Variants in TNRC6A observed in about 807,000 individuals in gnomAD.
TNRC6A encodes the protein trinucleotide repeat-containing gene 6A protein.
TNRC6A carries 44 observed loss-of-function variants against 221.2 expected under a neutral mutation model. That is an observed-to-expected ratio of 0.20 (90% CI 0.16 to 0.26). The LOEUF (loss-of-function observed/expected upper bound fraction) is 0.26. TNRC6A is among the 10% of genes least tolerant of loss of function. TNRC6A has a pLI of 1.00. For synonymous variants in TNRC6A, 847 were observed against 838.5 expected (o/e 1.01, Z -0.18); for missense variants, 2,199 against 2,404.4 (o/e 0.91, Z 1.79).
At chr16:24,703,750 A>G (rs1366757943) in intron 2 of TNRC6A, among the ~76,000 whole-genome samples, 1 of 152,156 alleles carries the variant, frequency 6.6e-6, no homozygotes, top group Non-Finnish European at 1.5e-5. Context: ...GTATACACCT[A>G]GAATTAGAGT....
upstream of TNRC6A, among the ~76,000 whole-genome samples, chr16:24,727,008 CCTT>C (rs901855570): frequency 6.6e-6 from 1 of 151,904 alleles, no homozygotes; most frequent in Non-Finnish European, 1.5e-5. Flanking sequence ...TGTCAACAAA[CCTT>C]CTGGAAATCA....
In TNRC6A at chr16:24,670,913, C is replaced by T. The variant is rs1168352672; in HGVS notation, n.402+29904C>T. The stretch of plus-strand genomic sequence containing the variant: ...TCACCTCCCCCACTCCCGCCAGCCC[C>T]CACACTTCCTTACATGATGCTGACA... On this transcript the variant is annotated intron_variant and non_coding_transcript_variant, in intron 2 of 2. Coordinates refer to the TNRC6A transcript ENST00000566108. 9.7e-6 allele frequency: 3 copies of T among 310,818 alleles called. No individual in the cohort carries two copies. In the Admixed American group the frequency reaches 9.8e-5, roughly 10 times the overall value. The allele number at this position is 310,818 out of a possible 1,614,324, so 19.3% of individuals were successfully genotyped here. A position where few individuals can be genotyped will look rare whatever the true frequency, so the allele number is the denominator to read the frequency against.
At chr16:24,772,466 C>T (rs2151669945) in intron 4 of TNRC6A, among the ~76,000 whole-genome samples, 2 of 151,966 alleles carry the variant, frequency 1.3e-5, no homozygotes, top group South Asian at 4.2e-4. Flanking sequence ...TGCACTCCAG[C>T]CTGGGAAACA....
At chr16:24,816,677 C>T in intron 19 of TNRC6A, 139 bp from the exon 20 acceptor site, 1 of 1,015,410 alleles carries the variant, frequency 9.8e-7, no homozygotes. Flanking sequence ...ATTAACTGAA[C>T]CATCCTCTTA....
chr16:24,632,272 C>CA (rs1293735484), intron 1 of TNRC6A, among the ~76,000 whole-genome samples: 2 of 152,338 alleles, frequency 1.3e-5, no homozygotes, highest in Non-Finnish European at 2.9e-5. Flanking sequence ...ACAGACATCT[C>CA]AAAATTTACA....
intron 2 of TNRC6A, among the ~76,000 whole-genome samples, chr16:24,705,864 G>T: frequency 6.6e-6 from 1 of 152,068 alleles, no homozygotes. Flanking sequence ...GGTATATAAA[G>T]ATAAAAAATA....
chr16:24,710,798 G>A (rs2056190577), intron 2 of TNRC6A, among the ~76,000 whole-genome samples: 1 of 147,028 alleles, frequency 6.8e-6, no homozygotes, highest in Non-Finnish European at 1.5e-5. Flanking sequence ...TGCAACCTCC[G>A]CCTCCCGAGT....
At chr16:24,722,174 G>A (rs554911606) in intron 2 of TNRC6A, among the ~76,000 whole-genome samples, 1 of 152,276 alleles carries the variant, frequency 6.6e-6, no homozygotes, top group African/African-American at 2.4e-5. Context: ...GCTTTGGGAG[G>A]CCAAGGTGGG....
chr16:24,760,905 G>A (rs1223275315), intron 4 of TNRC6A, among the ~76,000 whole-genome samples: 2 of 152,056 alleles, frequency 1.3e-5, no homozygotes, highest in Non-Finnish European at 2.9e-5. Flanking sequence ...TTCCATTAAC[G>A]GCTTTCCATT....
chr16:24,628,427 A>C (rs1287807786), intron 1 of TNRC6A, among the ~76,000 whole-genome samples: 1 of 152,044 alleles, frequency 6.6e-6, no homozygotes, highest in East Asian at 1.9e-4. Context: ...CTCAAAAAAA[A>C]GAAAAAAGAA....
chr16:24,815,610 C>A (rs1460394607), intron 19 of TNRC6A: 1 of 343,372 alleles, frequency 2.9e-6, no homozygotes, highest in Admixed American at 4.0e-5. Context: ...AATCCCAGCA[C>A]TTTGGGAGGC....
chr16:24,643,429 T>C (rs1163317762), intron 2 of TNRC6A, among the ~76,000 whole-genome samples: 1 of 151,910 alleles, frequency 6.6e-6, no homozygotes, highest in African/African-American at 2.4e-5. Flanking sequence ...CTAACCTATG[T>C]CTTAATCTTT....
intron 2 of TNRC6A, among the ~76,000 whole-genome samples, chr16:24,668,895 A>G (rs2055230340): frequency 6.6e-6 from 1 of 152,142 alleles, no homozygotes; most frequent in South Asian, 2.1e-4. Context: ...CTTTGAACAG[A>G]GTGAGCCTGA....
chr16:24,777,614 T>G (rs972454368), intron 5 of TNRC6A, among the ~76,000 whole-genome samples: 2 of 152,180 alleles, frequency 1.3e-5, no homozygotes, highest in African/African-American at 2.4e-5. Flanking sequence ...ATAGCTAAAG[T>G]TGACTATAAG....
At chr16:24,643,495 T>C (rs1902106303) in intron 2 of TNRC6A, among the ~76,000 whole-genome samples, 1 of 152,124 alleles carries the variant, frequency 6.6e-6, no homozygotes, top group Non-Finnish European at 1.5e-5. Flanking sequence ...TCATTCTTAA[T>C]CCAGACACCT....
At chr16:24,711,087 G>C (rs2056197029) in intron 2 of TNRC6A, among the ~76,000 whole-genome samples, 1 of 152,064 alleles carries the variant, frequency 6.6e-6, no homozygotes, top group African/African-American at 2.4e-5. Context: ...GTGTTAGCCA[G>C]GATGGTCTCA....
In TNRC6A at chr16:24,732,394, T is replaced by C. The variant is rs149328238; in HGVS notation, c.53+2094T>C. Among the ~76,000 whole-genome samples, 151 of 152,354 alleles carry C rather than the reference T, an allele frequency of 9.9e-4. No individual in the cohort carries two copies. In the Middle Eastern group the frequency reaches 0.02, roughly 21 times the overall value. On this transcript the variant is annotated intron_variant, in intron 2 of 24. Coordinates refer to ENST00000395799, the MANE Select transcript of TNRC6A (RefSeq NM_014494.4). ...GACTGGGCACTAAGCCAGGGAAGAA[T>C]GTAAGTAGTTAAATTTATTGATTGC...
intron 11 of TNRC6A, 33 bp from the exon 12 acceptor site, chr16:24,804,144 T>C: frequency 1.3e-6 from 2 of 1,556,392 alleles, no homozygotes; most frequent in Non-Finnish European, 1.7e-6. Context: ...TGGGTTGTCT[T>C]CCTGTTTGAT....
intron 2 of TNRC6A, among the ~76,000 whole-genome samples, chr16:24,702,100 C>CTTTTT (rs1393088483): frequency 1.5e-5 from 1 of 65,096 alleles, no homozygotes; most frequent in African/African-American, 1.0e-4. Flanking sequence ...CTTTTCTTTT[C>CTTTTT]TTTTTTCTTT....
Sources: allele counts gnomAD v4.1 joint callset (sites outside exome capture counted in the v4.1 genomes callset), GRCh38; gene constraint gnomAD v4.1.1; transcripts MANE v1.5; gene names NCBI Gene and HGNC (gene_info 2026-07-23, HGNC 2026-07-21).